EPG5: variants seen among roughly 807,000 people sequenced by gnomAD.
The protein encoded by EPG5 is ectopic P-granules 5 autophagy tethering factor.
EPG5 carries 159 observed loss-of-function variants against 302.7 expected under a neutral mutation model. That is an observed-to-expected ratio of 0.53 (90% confidence interval 0.46 to 0.60). EPG5 has a LOEUF of 0.60. Ranked by LOEUF, EPG5 falls within the 20% of genes least tolerant of loss-of-function variation. EPG5 has a pLI of 0.00. For missense variants in EPG5, 2,896 were observed against 3,092.4 expected (o/e 0.94, Z 1.51); for synonymous variants, 1,158 against 1,136.8 (o/e 1.02, Z -0.37).
the EPG5 span, among the ~76,000 whole-genome samples, chr18:45,805,021 A>T: frequency 6.6e-6 from 1 of 152,144 alleles, no homozygotes. Flanking sequence ...CTCAAATCAG[A>T]TTATAAAAAG....
intron 39 of EPG5, among the ~76,000 whole-genome samples, chr18:45,860,934 AAG>A (rs2145215933): frequency 6.6e-6 from 1 of 152,344 alleles, no homozygotes; most frequent in African/African-American, 2.4e-5. Flanking sequence ...ATTGGAGGTA[AAG>A]AGAGAGGAAT....
Position 45,934,879 on chromosome 18 carries a change from C to G in EPG5, c.2187G>C (p.Gln729His), listed in dbSNP as rs575623740. 64 of 1,614,052 alleles carry G rather than the reference C, an allele frequency of 4.0e-5. No homozygotes were observed. Among genetic ancestry groups the G allele is most frequent in the Non-Finnish European group, 5.3e-5 (63 of 1,180,044 alleles). The part of the protein sequence containing the change: ...MLWKLFYLMH[Q>H]VESENLQQLS... Reference sequence around the variant, plus strand: ...GCTGCTGCAGGTTCTCGCTCTCCACCTGGTGCATGAGGTAGAAGAGCTTCC... The same window carrying G: ...GCTGCTGCAGGTTCTCGCTCTCCACGTGGTGCATGAGGTAGAAGAGCTTCC... Residue 729 changes from glutamine (Q) to histidine (H), a missense_variant, in exon 11 of 44, where the codon CAG (glutamine) becomes CAC (histidine). Transcript: ENST00000282041.
chr18:45,906,572 C>T (rs1371692218), intron 24 of EPG5, among the ~76,000 whole-genome samples: 1 of 152,066 alleles, frequency 6.6e-6, no homozygotes, highest in Non-Finnish European at 1.5e-5. Flanking sequence ...TGGCTCAGCT[C>T]AAAGGTCACC....
At chr18:45,927,994 G>T (rs916554522) in intron 13 of EPG5, among the ~76,000 whole-genome samples, 2 of 152,114 alleles carry the variant, frequency 1.3e-5, no homozygotes, top group Non-Finnish European at 2.9e-5. Context: ...AGGAGTTCAA[G>T]ACCAGCCTGA....
intron 10 of EPG5, among the ~76,000 whole-genome samples, chr18:45,937,201 C>T (rs1371863579): frequency 1.3e-5 from 2 of 150,620 alleles, no homozygotes; most frequent in African/African-American, 4.9e-5. Flanking sequence ...ATATGGCAGA[C>T]ATTCAGGAAG....
At chr18:45,816,625 T>A in the EPG5 span, among the ~76,000 whole-genome samples, 1 of 152,056 alleles carries the variant, frequency 6.6e-6, no homozygotes, top group Non-Finnish European at 1.5e-5. Context: ...AAATAGTAGA[T>A]GTTAGCGTGG....
Position 45,928,911 on chromosome 18 carries a change from G to A in EPG5, c.2511C>T (p.Val837=). 1 of 1,613,976 alleles carries A rather than the reference G, an allele frequency of 6.2e-7. No individual in the cohort carries two copies. Among genetic ancestry groups the A allele is most frequent in the South Asian group, 1.1e-5 (1 of 91,066 alleles). ...TGGTCTCTTGAACTCTATCCAGAAG[G>A]ACGGAAATTATCTCAGGGTGAACAG... ...ITAVHPEIIS[V]LLDRVQETID... is the part of the protein sequence containing the mutation. The change falls in exon 13 of 44, where the codon GTC becomes GTT. Residue 837 remains valine (V), a synonymous_variant. Coordinates refer to ENST00000282041, the MANE Select transcript of EPG5 (RefSeq NM_020964.3).
At chr18:45,930,591 G>T in intron 12 of EPG5, 85 bp downstream of exon 12, 1 of 1,165,830 alleles carries the variant, frequency 8.6e-7, no homozygotes, top group East Asian at 2.6e-5. Context: ...GTCACAATTT[G>T]TAAAAGCAAT....
intron 14 of EPG5, among the ~76,000 whole-genome samples, chr18:45,923,878 A>G (rs1433892264): frequency 3.3e-5 from 5 of 152,060 alleles, no homozygotes; most frequent in African/African-American, 1.2e-4. Flanking sequence ...AAAATACAAA[A>G]TTAGCCAAGT....
chr18:45,933,930 A>T (rs2050458179), intron 11 of EPG5, among the ~76,000 whole-genome samples: 1 of 152,084 alleles, frequency 6.6e-6, no homozygotes, highest in South Asian at 2.1e-4. Context: ...GTAGTTTTTT[A>T]AAATCACTAC....
chr18:45,823,707 TG>T, the EPG5 span, among the ~76,000 whole-genome samples: 1 of 152,186 alleles, frequency 6.6e-6, no homozygotes, highest in Non-Finnish European at 1.5e-5. Flanking sequence ...ACCAGAAACA[TG>T]GTTCTCTCCT....
chr18:45,911,297 T>C (rs1486487540), intron 22 of EPG5, among the ~76,000 whole-genome samples: 1 of 151,034 alleles, frequency 6.6e-6, no homozygotes, highest in African/African-American at 2.4e-5. Flanking sequence ...TTGTTTTTTT[T>C]TTTTTTTAGA....
intron 40 of EPG5, among the ~76,000 whole-genome samples, chr18:45,859,273 G>C (rs2048583023): frequency 6.6e-6 from 1 of 152,196 alleles, no homozygotes; most frequent in Non-Finnish European, 1.5e-5. Flanking sequence ...TTGATTTTTA[G>C]TAACACACAT....
chr18:45,866,067 A>G (rs1475532274), intron 38 of EPG5, among the ~76,000 whole-genome samples: 1 of 151,982 alleles, frequency 6.6e-6, no homozygotes, highest in Non-Finnish European at 1.5e-5. Flanking sequence ...AAAAACTTTT[A>G]TGTTCATTAT....
chr18:45,949,398 C>T, intron 5 of EPG5, 86 bp downstream of exon 5: 10 of 685,588 alleles, frequency 1.5e-5, no homozygotes, highest in South Asian at 4.5e-5. Context: ...TTAAATAGTC[C>T]TTTTTTTTTC....
chr18:45,925,289 T>C (rs1274551633), intron 14 of EPG5, among the ~76,000 whole-genome samples: 1 of 152,068 alleles, frequency 6.6e-6, no homozygotes. Context: ...CTGGCCAACA[T>C]GGCAAAACCC....
At chr18:45,951,493 C>T (rs576741816) in intron 3 of EPG5, among the ~76,000 whole-genome samples, 50 of 150,766 alleles carry the variant, frequency 3.3e-4, no homozygotes, top group Admixed American at 8.6e-4. Flanking sequence ...AGCCTCCACT[C>T]TGTCACCCAG....
intron 21 of EPG5, 23 bp from the exon 22 acceptor site, chr18:45,912,479 A>C: frequency 1.3e-6 from 2 of 1,579,816 alleles, no homozygotes; most frequent in Non-Finnish European, 1.7e-6. Context: ...AAGGGCTTTG[A>C]GTAGCCACAA....
chr18:45,893,742 A>T (rs1357465172), intron 27 of EPG5, among the ~76,000 whole-genome samples: 2 of 152,180 alleles, frequency 1.3e-5, no homozygotes. Flanking sequence ...AATATACAGT[A>T]AGCAGTGTAT....
Sources: allele counts gnomAD v4.1 joint callset (sites outside exome capture counted in the v4.1 genomes callset), GRCh38; gene constraint gnomAD v4.1.1; transcripts MANE v1.5; gene names NCBI Gene and HGNC (gene_info 2026-07-23, HGNC 2026-07-21).